GABRA1: variants seen among roughly 807,000 people sequenced by gnomAD.
GABRA1 encodes gamma-aminobutyric acid receptor subunit alpha-1.
A neutral mutation model predicts 48.9 loss-of-function variants in GABRA1; 9 were observed. The ratio of observed to expected loss-of-function variants is 0.18; its 90% CI spans 0.11 to 0.32. GABRA1 has a LOEUF of 0.32. GABRA1 is among the 10% of genes least tolerant of loss of function. The pLI is 1.00. For synonymous variants in GABRA1, 210 were observed against 198.7 expected, an observed-to-expected ratio of 1.06 and a Z score of -0.48; for missense variants, 285 against 553.8, an observed-to-expected ratio of 0.51 and a Z score of 4.87.
intron 4 of GABRA1, among the ~76,000 whole-genome samples, chr5:161,866,041 G>T (rs2113355417): frequency 6.6e-6 from 1 of 151,870 alleles, no homozygotes; most frequent in African/African-American, 2.4e-5. Context: ...TATTTTAAAT[G>T]ATTGGTTTGC....
At chr5:161,890,015 G>C (rs1755019584) in intron 7 of GABRA1, among the ~76,000 whole-genome samples, 1 of 151,978 alleles carries the variant, frequency 6.6e-6, no homozygotes, top group African/African-American at 2.4e-5. Context: ...CCTATATTTT[G>C]AGTGAATAAG....
At position 161,898,327 on chromosome 5, in the gene GABRA1, G is replaced by C. The variant is rs1002099176; in HGVS notation, c.*905G>C. On this transcript the variant is annotated 3_prime_UTR_variant, in exon 10 of 10. Coordinates refer to ENST00000393943, the MANE Select transcript of GABRA1 (RefSeq NM_001127644.2). ...GGGGCAAAAATATTTTGCAAGCTCT[G>C]GAATTGTTGAATGTATTCTTTTATA... 1.3e-5 allele frequency: 2 copies of C among 152,464 alleles called. No homozygotes were observed. Among genetic ancestry groups the C allele is most frequent in the African/African-American group, 4.8e-5 (2 of 41,396 alleles). The allele number at this position is 152,464 out of a possible 1,614,324, so 9.4% of individuals were successfully genotyped here. A position where few individuals can be genotyped will look rare whatever the true frequency, so the allele number is the denominator to read the frequency against.
At chr5:161,884,744 T>C (rs1754769752) in intron 7 of GABRA1, among the ~76,000 whole-genome samples, 1 of 152,188 alleles carries the variant, frequency 6.6e-6, no homozygotes, top group South Asian at 2.1e-4. Flanking sequence ...TGCAGTAGTA[T>C]GCAGGCATAT....
rs1301841968 is a variant in GABRA1, at chr5:161,899,947, T to A, written c.*2525T>A. ...GAATAATAAAGCTAACATTATTCAA[T>A]AATAAAATGGAATACTTGACTCTCT... On this transcript the variant is annotated 3_prime_UTR_variant, in exon 10 of 10. Coordinates refer to ENST00000393943, the MANE Select transcript of GABRA1 (RefSeq NM_001127644.2). 1 of 152,204 alleles carries A rather than the reference T, an allele frequency of 6.6e-6. No homozygotes were observed. The highest frequency in any genetic ancestry group is 6.5e-5 in the Admixed American group (1 of 15,282). The allele number at this position is 152,204 out of a possible 1,614,324, so 9.4% of individuals were successfully genotyped here. A position where few individuals can be genotyped will look rare whatever the true frequency, so the allele number is the denominator to read the frequency against.
Position 161,873,157 on chromosome 5 carries a change from A to T in GABRA1, c.296A>T (p.Asp99Val). 1 of 1,613,828 alleles carries T rather than the reference A, an allele frequency of 6.2e-7. No homozygotes were observed. The highest frequency in any genetic ancestry group is 8.5e-7 in the Non-Finnish European group (1 of 1,179,716). Residue 99 changes from aspartate (D) to valine (V), a missense_variant, in exon 5 of 10, where the codon GAT becomes GTT. Coordinates refer to ENST00000393943, the MANE Select transcript of GABRA1 (RefSeq NM_001127644.2). Reference protein sequence around the residue: ...IDVFFRQSWKDERLKFKGPMT... With the variant: ...IDVFFRQSWKVERLKFKGPMT... ...GTATTTTTCCGTCAAAGCTGGAAGG[A>T]TGAAAGGTTAAAATTTAAAGGACCT...
chr5:161,874,708 A>G (rs888723170), intron 5 of GABRA1, among the ~76,000 whole-genome samples: 5 of 152,130 alleles, frequency 3.3e-5, no homozygotes, highest in African/African-American at 1.2e-4. Flanking sequence ...TTTAGTTGGT[A>G]TTCTAATCAT....
At chr5:161,871,025 C>T (rs1248718686) in intron 4 of GABRA1, among the ~76,000 whole-genome samples, 1 of 145,546 alleles carries the variant, frequency 6.9e-6, no homozygotes, top group Non-Finnish European at 1.5e-5. Flanking sequence ...GGAAGAATGT[C>T]CTAAATGAAT....
chr5:161,874,491 G>A (rs1754261893), intron 5 of GABRA1, among the ~76,000 whole-genome samples: 1 of 152,024 alleles, frequency 6.6e-6, no homozygotes, highest in Non-Finnish European at 1.5e-5. Context: ...CCTAAATCCA[G>A]TACTCATTCC....
At chr5:161,889,645 T>A (rs555302849) in intron 7 of GABRA1, among the ~76,000 whole-genome samples, 60 of 152,108 alleles carry the variant, frequency 3.9e-4, no homozygotes, top group Non-Finnish European at 7.5e-4. Context: ...ATATTAGAAC[T>A]ATGCTATGCA....
intron 6 of GABRA1, among the ~76,000 whole-genome samples, chr5:161,875,952 T>C (rs901883803): frequency 6.6e-6 from 1 of 152,172 alleles, no homozygotes; most frequent in African/African-American, 2.4e-5. Context: ...GGATAATATT[T>C]TCCTCTCAAT....
At chr5:161,850,552 A>G (rs1056311250) in intron 1 of GABRA1, 2 of 583,138 alleles carry the variant, frequency 3.4e-6, no homozygotes, top group Non-Finnish European at 6.1e-6. Context: ...GTCACCTGAA[A>G]GCGTTTCAGC....
chr5:161,894,649 C>G (rs1440407736), intron 8 of GABRA1, among the ~76,000 whole-genome samples: 1 of 152,122 alleles, frequency 6.6e-6, no homozygotes, highest in African/African-American at 2.4e-5. Context: ...GAATGGGTAA[C>G]TGTGACTGTT....
chr5:161,894,555 C>G (rs889118215), intron 8 of GABRA1, among the ~76,000 whole-genome samples: 1 of 152,134 alleles, frequency 6.6e-6, no homozygotes, highest in African/African-American at 2.4e-5. Context: ...TAGCAGAGGT[C>G]ATAGAGCTAA....
intron 4 of GABRA1, among the ~76,000 whole-genome samples, chr5:161,866,306 A>T (rs942556758): frequency 3.3e-5 from 5 of 152,150 alleles, no homozygotes; most frequent in Admixed American, 6.6e-5. Context: ...CATTCATTAA[A>T]GTATTATCCA....
chr5:161,874,451 C>G (rs1754259372), intron 5 of GABRA1, among the ~76,000 whole-genome samples: 1 of 151,988 alleles, frequency 6.6e-6, no homozygotes, highest in African/African-American at 2.4e-5. Context: ...ATATTCCCCC[C>G]TGATGAAACA....
At chr5:161,873,471 C>A in intron 5 of GABRA1, 134 bp downstream of exon 5, 1 of 760,988 alleles carries the variant, frequency 1.3e-6, no homozygotes. Flanking sequence ...TCTTAAAAAT[C>A]TCTCCAACCT....
chr5:161,892,839 C>T (rs1487686158), intron 8 of GABRA1, among the ~76,000 whole-genome samples: 1 of 151,706 alleles, frequency 6.6e-6, no homozygotes, highest in Admixed American at 6.6e-5. Flanking sequence ...CCCGTCTCTA[C>T]TAAAAATACA....
intron 6 of GABRA1, 187 bp from the exon 7 acceptor site, chr5:161,882,371 A>G: frequency 2.0e-6 from 1 of 491,680 alleles, no homozygotes; most frequent in Non-Finnish European, 3.4e-6. Flanking sequence ...AGAGTGAATA[A>G]ATGACTAAAA....
At chr5:161,869,265 A>C (rs1754005785) in intron 4 of GABRA1, among the ~76,000 whole-genome samples, 1 of 152,194 alleles carries the variant, frequency 6.6e-6, no homozygotes, top group Non-Finnish European at 1.5e-5. Context: ...AATGCTTACA[A>C]CACATTAGGC....
Sources: gnomAD v4.1 joint callset for allele counts (sites outside exome capture counted in the v4.1 genomes callset) on GRCh38, gnomAD v4.1.1 for gene constraint, MANE v1.5 for transcripts, NCBI Gene and HGNC (gene_info 2026-07-23, HGNC 2026-07-21) for gene names.